UACA: variants seen among roughly 807,000 people sequenced by gnomAD.
UACA encodes the protein nuclear membrane binding protein.
A neutral mutation model predicts 160.5 loss-of-function variants in UACA; 112 were observed. The ratio of observed to expected loss-of-function variants is 0.70; its 90% CI spans 0.60 to 0.82. The LOEUF is 0.82. Among genes scored for constraint, UACA ranks in the 40% least tolerant of loss-of-function variants. The pLI is 0.00. For synonymous variants in UACA, 557 were observed against 568.4 expected, an observed-to-expected ratio of 0.98 and a Z score of 0.29; for missense variants, 1,574 against 1,614.6, an observed-to-expected ratio of 0.97 and a Z score of 0.43.
At chr15:70,714,015 A>T (rs1208694153) in intron 1 of UACA, among the ~76,000 whole-genome samples, 1 of 152,170 alleles carries the variant, frequency 6.6e-6, no homozygotes, top group East Asian at 1.9e-4. Flanking sequence ...AAAACTAAAC[A>T]TCATTGATGT....
chr15:70,770,044 A>T, the UACA span, among the ~76,000 whole-genome samples: 5 of 151,946 alleles, frequency 3.3e-5, no homozygotes, highest in Admixed American at 3.3e-4. Context: ...AGGTTAATTT[A>T]AAAAAATACT....
Position 70,668,443 on chromosome 15 carries a change from T to C in UACA, c.2241A>G (p.Leu747=). The stretch of plus-strand genomic sequence containing the variant: ...ACTTTTTCATGTCTTCACTTACTTT[T>C]AAAGGAACATAATGATTTTTCATTT... ...TIEMKNHYVP[L]KVSEDMKKSH... is the part of the protein sequence containing the mutation. Residue 747 remains leucine (L), a synonymous_variant, in exon 16 of 19, where the codon TTA becomes TTG. Transcript: ENST00000322954. 6.2e-7 allele frequency: 1 copy of C among 1,612,170 alleles called. No homozygotes were observed. The highest frequency in any genetic ancestry group is 1.7e-5 in the Admixed American group (1 of 59,846).
intron 3 of UACA, among the ~76,000 whole-genome samples, chr15:70,691,649 A>C (rs1401563398): frequency 6.6e-6 from 1 of 152,218 alleles, no homozygotes; most frequent in Non-Finnish European, 1.5e-5. Flanking sequence ...AACAGTACCT[A>C]AAACACAGCA....
intron 1 of UACA, among the ~76,000 whole-genome samples, chr15:70,710,039 CTTGAGCCCAGGAG>C (rs1024877593): frequency 6.6e-6 from 1 of 152,136 alleles, no homozygotes; most frequent in African/African-American, 2.4e-5. Context: ...TTTGGGATCA[CTTGAGCCCAGGAG>C]TTGAGACCAG....
rs770730167 is a variant in UACA, at chr15:70,668,308, T to G, written c.2376A>C (p.Leu792Phe). 3 of 1,612,342 alleles carry G rather than the reference T, an allele frequency of 1.9e-6. No homozygotes were observed. The highest frequency in any genetic ancestry group is 2.5e-6 in the Non-Finnish European group (3 of 1,179,688). Reference protein sequence around the residue: ...MEKLLLENDSLSKDVSRLETV... With the variant: ...MEKLLLENDSFSKDVSRLETV... ...TTTCTAGGCGGCTTACATCCTTACT[T>G]AAGCTGTCATTTTCCAGTAGCAATT... The change falls in exon 16 of 19, where the codon TTA becomes TTC. Residue 792 changes from leucine (L) to phenylalanine (F), a missense_variant. Leu to Phe is a conservative substitution (Grantham distance 22). Coordinates refer to ENST00000322954, the MANE Select transcript of UACA (RefSeq NM_018003.4).
chr15:70,747,241 GTTTTT>G, intron 1 of UACA, among the ~76,000 whole-genome samples: 1 of 119,240 alleles, frequency 8.4e-6, no homozygotes, highest in South Asian at 2.8e-4. Flanking sequence ...TGTTTTTTGG[GTTTTT>G]TTTTTTTTTT....
chr15:70,703,023 G>T, intron 1 of UACA: 1 of 1,078,228 alleles, frequency 9.3e-7, no homozygotes, highest in Non-Finnish European at 1.2e-6. Flanking sequence ...ACTAAAGGAG[G>T]CAAATACACA....
chr15:70,736,851 C>G (rs1899383382), intron 1 of UACA, among the ~76,000 whole-genome samples: 1 of 152,120 alleles, frequency 6.6e-6, no homozygotes, highest in Admixed American at 6.5e-5. Context: ...CGTGTTTATT[C>G]TAATTGTAGT....
intron 1 of UACA, among the ~76,000 whole-genome samples, chr15:70,737,060 T>C (rs780877057): frequency 5.9e-5 from 9 of 152,206 alleles, no homozygotes; most frequent in African/African-American, 2.2e-4. Flanking sequence ...TTCAAGGATA[T>C]TGAAAATGTT....
intron 7 of UACA, among the ~76,000 whole-genome samples, chr15:70,684,889 A>C (rs1897654446): frequency 6.6e-6 from 1 of 152,130 alleles, no homozygotes; most frequent in African/African-American, 2.4e-5. Flanking sequence ...TACTTCTACT[A>C]CCAAACCAAC....
At chr15:70,674,976 T>C (rs867548550) in intron 13 of UACA, among the ~76,000 whole-genome samples, 15 of 152,236 alleles carry the variant, frequency 9.9e-5, no homozygotes, top group African/African-American at 3.6e-4. Context: ...AATTATATTA[T>C]ACTTTGATTA....
chr15:70,755,017 G>A (rs1289673928), intron 1 of UACA, among the ~76,000 whole-genome samples: 1 of 152,150 alleles, frequency 6.6e-6, no homozygotes, highest in Non-Finnish European at 1.5e-5. Context: ...CGTGCAGGTG[G>A]AAATTTCAAT....
chr15:70,678,968 C>T (rs778679053), intron 10 of UACA, among the ~76,000 whole-genome samples: 21 of 152,072 alleles, frequency 1.4e-4, no homozygotes, highest in Non-Finnish European at 2.6e-4. Context: ...AAAACAAACA[C>T]ATTTAAATCA....
At chr15:70,752,701 T>C (rs2030163349) in intron 1 of UACA, among the ~76,000 whole-genome samples, 1 of 151,986 alleles carries the variant, frequency 6.6e-6, no homozygotes, top group South Asian at 2.1e-4. Context: ...AGAGGTAATA[T>C]AAAAAACCTT....
At chr15:70,772,739 A>T in the UACA span, among the ~76,000 whole-genome samples, 10 of 152,116 alleles carry the variant, frequency 6.6e-5, no homozygotes, top group African/African-American at 2.4e-4. Flanking sequence ...GCCAGATAAA[A>T]TCTGTCATGG....
At chr15:70,726,369 C>T (rs1899144751) in intron 1 of UACA, among the ~76,000 whole-genome samples, 1 of 151,984 alleles carries the variant, frequency 6.6e-6, no homozygotes, top group Admixed American at 6.6e-5. Flanking sequence ...ATCTGAGCAG[C>T]ATGGAGGAAA....
chr15:70,663,300 C>A (rs1419927647), intron 17 of UACA, among the ~76,000 whole-genome samples: 1 of 152,116 alleles, frequency 6.6e-6, no homozygotes, highest in Non-Finnish European at 1.5e-5. Context: ...AAATCAAAAC[C>A]ACAGTGAGAT....
intron 1 of UACA, among the ~76,000 whole-genome samples, chr15:70,711,225 T>C (rs977211047): frequency 2.0e-5 from 3 of 152,156 alleles, no homozygotes; most frequent in Non-Finnish European, 4.4e-5. Flanking sequence ...CTGACCTCCT[T>C]TGCACAATAT....
At chr15:70,728,354 G>A (rs866409861) in intron 1 of UACA, among the ~76,000 whole-genome samples, 5 of 152,116 alleles carry the variant, frequency 3.3e-5, no homozygotes, top group Admixed American at 1.3e-4. Flanking sequence ...ACCTGAGATC[G>A]AGAGTTCGAG....
Sources: gnomAD v4.1 joint callset for allele counts (sites outside exome capture counted in the v4.1 genomes callset) on GRCh38, gnomAD v4.1.1 for gene constraint, MANE v1.5 for transcripts, NCBI Gene and HGNC (gene_info 2026-07-23, HGNC 2026-07-21) for gene names.